Variants in TTLL5 observed in about 807,000 individuals in gnomAD.
The protein encoded by TTLL5 is tubulin tyrosine ligase like 5.
Under a neutral mutation model 168.4 loss-of-function variants are expected in TTLL5, and 132 were observed. That is an observed-to-expected ratio of 0.78 (90% CI 0.68 to 0.91). The LOEUF is 0.91. Ranked by LOEUF, TTLL5 falls within the 40% of genes least tolerant of loss-of-function variation. The pLI is 0.00. For synonymous variants in TTLL5, 546 were observed against 558.6 expected, an observed-to-expected ratio of 0.98 and a Z score of 0.32; for missense variants, 1,545 against 1,581.5, an observed-to-expected ratio of 0.98 and a Z score of 0.39.
intron 26 of TTLL5, 152 bp downstream of exon 26, chr14:75,783,682 T>C (rs1234968164): frequency 1.0e-5 from 11 of 1,086,716 alleles, no homozygotes; most frequent in Non-Finnish European, 1.4e-5. Flanking sequence ...AGAAGACTTT[T>C]GCATTGCATC....
chr14:75,783,975 G>A (rs768806646), intron 26 of TTLL5, among the ~76,000 whole-genome samples: 3 of 152,192 alleles, frequency 2.0e-5, no homozygotes, highest in Non-Finnish European at 4.4e-5. Flanking sequence ...TAGACCTATA[G>A]TGTCAAGTTT....
Position 75,853,571 on chromosome 14 carries a change from A to G in TTLL5, c.3327-10096A>G, listed in dbSNP as rs549494743. ...TAACTGCTTAGGCATGTATCTTTAC[A>G]TATGATCCCAGTATTGCAAAGTACA... On this transcript the variant is annotated intron_variant, in intron 28 of 31. Coordinates refer to ENST00000298832, the MANE Select transcript of TTLL5 (RefSeq NM_015072.5). 6.6e-5 allele frequency among the ~76,000 whole-genome samples: 10 copies of G among 152,372 alleles called. No homozygotes were observed. In the South Asian group the frequency reaches 2.1e-3, roughly 32 times the overall value.
At position 75,732,295 on chromosome 14, in the gene TTLL5, C is replaced by G. The variant is rs1023324339; in HGVS notation, c.1043-43C>G. The stretch of plus-strand genomic sequence containing the variant: ...CTTCTAGATCTTTGTGTAGTTGTGA[C>G]ATGGAAAATGATCTTGTGTATTGTG... On this transcript the variant is annotated intron_variant, in intron 12 of 31. Transcript: ENST00000298832. 7.7e-6 allele frequency: 12 copies of G among 1,566,094 alleles called. No individual in the cohort carries two copies. The African/African-American group carries it at 1.6e-4, about 21-fold the overall frequency.
At chr14:75,825,981 C>T (rs1222176977) in intron 28 of TTLL5, among the ~76,000 whole-genome samples, 1 of 151,776 alleles carries the variant, frequency 6.6e-6, no homozygotes, top group East Asian at 1.9e-4. Context: ...TGAGTGCTGT[C>T]AGTGTTTGTG....
At chr14:75,676,428 G>T (rs952217325) in intron 3 of TTLL5, among the ~76,000 whole-genome samples, 1 of 152,160 alleles carries the variant, frequency 6.6e-6, no homozygotes, top group Non-Finnish European at 1.5e-5. Context: ...GGCTAGGTCT[G>T]GTTCTTGGGT....
intron 9 of TTLL5, among the ~76,000 whole-genome samples, chr14:75,712,908 G>C (rs1048580188): frequency 1.3e-5 from 2 of 152,154 alleles, no homozygotes; most frequent in Non-Finnish European, 2.9e-5. Context: ...GGTTAAAAAG[G>C]GGGGAGGGGG....
chr14:75,954,202 G>A (rs567776728), intron 31 of TTLL5, among the ~76,000 whole-genome samples: 2 of 139,404 alleles, frequency 1.4e-5, no homozygotes, highest in African/African-American at 2.7e-5. Context: ...GCAGTGAGCC[G>A]AGATCGCGCC....
intron 31 of TTLL5, chr14:75,904,187 T>C (rs10137007): frequency 0.11 from 130,008 of 1,232,016 alleles, 8,985 homozygotes; most frequent in African/African-American, 0.33. Context: ...TGGGTATCTA[T>C]TCACCTCACT....
rs1163881763 is a variant in TTLL5 at position 75,775,547 on chromosome 14, T to A, written c.2200T>A (p.Leu734Ile). 5.6e-6 allele frequency: 9 copies of A among 1,614,114 alleles called. No individual in the cohort carries two copies. Among genetic ancestry groups the A allele is most frequent in the Non-Finnish European group, 7.6e-6 (9 of 1,179,998 alleles). Residue 734 changes from leucine to isoleucine, a missense_variant, in exon 22 of 32, where the codon TTA becomes ATA. By Grantham distance (5) the Leu-to-Ile change is conservative. Transcript: ENST00000298832. ...CCTCCAGCATTCACTGAGGATGGTA[T>A]TACCCAGTCGACGATTGGCACTTCT... ...NNLQHSLRMV[L>I]PSRRLALLER...
chr14:75,864,274 T>C (rs1341742241), intron 29 of TTLL5, among the ~76,000 whole-genome samples: 1 of 152,240 alleles, frequency 6.6e-6, no homozygotes, highest in Non-Finnish European at 1.5e-5. Flanking sequence ...ATGTGCGTGA[T>C]ATTACTCATT....
intron 2 of TTLL5, among the ~76,000 whole-genome samples, chr14:75,667,626 A>C (rs1435928329): frequency 6.6e-6 from 1 of 152,152 alleles, no homozygotes; most frequent in Admixed American, 6.5e-5. Flanking sequence ...GGAATAAACT[A>C]GGTATGCTGT....
intron 30 of TTLL5, chr14:75,886,744 T>A: frequency 6.3e-7 from 1 of 1,597,860 alleles, no homozygotes; most frequent in Non-Finnish European, 8.5e-7. Context: ...TGGTATTTCT[T>A]CCAAGCAGTC....
At chr14:75,689,884 C>A (rs1885324226) in intron 5 of TTLL5, 1 of 260,976 alleles carries the variant, frequency 3.8e-6, no homozygotes. Context: ...GATGTTGAAA[C>A]TGTTGTTTAT....
At chr14:75,661,476 A>G (rs1181517475) in intron 1 of TTLL5, 89 bp downstream of exon 1, 5 of 152,278 alleles carry the variant, frequency 3.3e-5, no homozygotes, top group South Asian at 2.1e-4. Context: ...TCCCGCTCAG[A>G]GCCCGGGAGT....
rs545105080 is a variant in TTLL5, at chr14:75,913,850, T to C, written c.3823+11626T>C. Among the ~76,000 whole-genome samples the C allele has an allele frequency of 1.5e-3, 228 of 150,718 alleles. 1 individual carries two copies. The highest frequency in any genetic ancestry group is 0.01 in the Middle Eastern group (3 of 294). On this transcript the variant is annotated intron_variant, in intron 31 of 31. Coordinates refer to ENST00000298832, the MANE Select transcript of TTLL5 (RefSeq NM_015072.5). ...CCAACATAACGAAACCCTGTCTCTATTAAAAATACAAAAATTAGCTGGGCG... is the reference window on the plus strand; with the variant it reads ...CCAACATAACGAAACCCTGTCTCTACTAAAAATACAAAAATTAGCTGGGCG...
At chr14:75,734,200 A>G (rs1888740223) in intron 14 of TTLL5, 150 bp downstream of exon 14, 3 of 733,990 alleles carry the variant, frequency 4.1e-6, no homozygotes, top group South Asian at 1.8e-5. Flanking sequence ...AAATGTTTAT[A>G]TGTTTCTACG....
chr14:75,749,297 A>T (rs538012671), intron 17 of TTLL5, among the ~76,000 whole-genome samples: 9 of 152,312 alleles, frequency 5.9e-5, no homozygotes, highest in Non-Finnish European at 1.0e-4. Context: ...ATCAATTACA[A>T]ATAATCTTGA....
Position 75,685,481 on chromosome 14 carries a change from C to G in TTLL5, c.371+1825C>G, listed in dbSNP as rs900519282. 4.6e-5 allele frequency among the ~76,000 whole-genome samples: 7 copies of G among 151,654 alleles called. No homozygotes were observed. In the East Asian group the frequency reaches 1.4e-3, roughly 29 times the overall value. On this transcript the variant is annotated intron_variant, in intron 5 of 31. Transcript: ENST00000298832. ...TTTAAATTTATGATGAAAAATCTTA[C>G]ATGCTAGCTTAAACATGCAAGAGGA... is the stretch of plus-strand genomic sequence containing the variant.
At chr14:75,764,879 T>C in intron 19 of TTLL5, 107 bp downstream of exon 19, 1 of 1,278,484 alleles carries the variant, frequency 7.8e-7, no homozygotes, top group Non-Finnish European at 1.1e-6. Flanking sequence ...CCTGATCACA[T>C]ACACCTTTTT....
Sources: allele counts gnomAD v4.1 joint callset (sites outside exome capture counted in the v4.1 genomes callset), GRCh38; gene constraint gnomAD v4.1.1; transcripts MANE v1.5; gene names NCBI Gene and HGNC (gene_info 2026-07-23, HGNC 2026-07-21).